The following DNAH8 variants were observed in gnomAD, a reference collection of about 807,000 sequenced individuals.
DNAH8 encodes axonemal beta dynein heavy chain 8.
In DNAH8, 382 loss-of-function variants were observed where a neutral mutation model predicts 562.1. That is an observed-to-expected ratio of 0.68 (90% confidence interval 0.63 to 0.74). The LOEUF (loss-of-function observed/expected upper bound fraction) is 0.74, where lower values mean the gene tolerates loss of function less well. DNAH8 is among the 30% of genes least tolerant of loss of function. The pLI, the probability that DNAH8 is intolerant of heterozygous loss-of-function variation, is 0.00. For synonymous variants in DNAH8, 1,881 were observed against 1,919.4 expected (o/e 0.98, Z 0.52); for missense variants, 5,203 against 5,620.4 (o/e 0.93, Z 2.37).
chr6:38,981,717 A>G (rs1313150481), intron 85 of DNAH8, among the ~76,000 whole-genome samples: 1 of 152,238 alleles, frequency 6.6e-6, no homozygotes, highest in Non-Finnish European at 1.5e-5. Context: ...CAGTTCATTC[A>G]ACAGGTATTT....
chr6:38,861,577 A>G (rs1776621783), intron 43 of DNAH8, among the ~76,000 whole-genome samples: 1 of 152,088 alleles, frequency 6.6e-6, no homozygotes, highest in African/African-American at 2.4e-5. Context: ...TTTTGTTTTG[A>G]GACAGAGTCT....
intron 88 of DNAH8, among the ~76,000 whole-genome samples, chr6:38,994,170 T>C (rs1051963772): frequency 2.6e-5 from 4 of 152,232 alleles, no homozygotes; most frequent in African/African-American, 7.2e-5. Flanking sequence ...TGAGAAAATT[T>C]TCATATACTT....
intron 82 of DNAH8, among the ~76,000 whole-genome samples, chr6:38,953,745 G>T (rs921788431): frequency 5.3e-5 from 8 of 152,212 alleles, no homozygotes; most frequent in Admixed American, 2.6e-4. Flanking sequence ...ACATGTTAAT[G>T]TAGTCTCAGC....
chr6:38,763,213 G>T, intron 11 of DNAH8: 1 of 264,418 alleles, frequency 3.8e-6, no homozygotes. Context: ...CCTTCTAAAA[G>T]TGAAGCAAGG....
At chr6:38,829,934 T>C (rs1391925469) in intron 30 of DNAH8, among the ~76,000 whole-genome samples, 1 of 152,224 alleles carries the variant, frequency 6.6e-6, no homozygotes, top group African/African-American at 2.4e-5. Context: ...CTAGGTTGCC[T>C]GTTCACTCTG....
At chr6:38,796,816 T>C (rs953288280) in intron 21 of DNAH8, among the ~76,000 whole-genome samples, 7 of 151,986 alleles carry the variant, frequency 4.6e-5, no homozygotes, top group Admixed American at 1.3e-4. Flanking sequence ...AGCCCGCCGA[T>C]GCTCCCAGTT....
At chr6:38,890,826 G>A (rs1032637409) in intron 58 of DNAH8, 65 bp downstream of exon 58, 36 of 1,115,020 alleles carry the variant, frequency 3.2e-5, no homozygotes, top group African/African-American at 1.5e-4. Context: ...ATCACACCTC[G>A]TGGCTCATTA....
intron 12 of DNAH8, among the ~76,000 whole-genome samples, chr6:38,773,873 A>G (rs1339001478): frequency 6.6e-6 from 1 of 152,180 alleles, no homozygotes; most frequent in Non-Finnish European, 1.5e-5. Context: ...AGAGCCTATT[A>G]GGGAAGGCCG....
chr6:38,850,515 T>C (rs1775657396), intron 38 of DNAH8, 101 bp downstream of exon 38: 1 of 1,080,732 alleles, frequency 9.3e-7, no homozygotes, highest in South Asian at 1.7e-5. Flanking sequence ...TAGTGATGGT[T>C]AAAGTGGGGC....
chr6:38,805,880 T>C (rs777531522), intron 23 of DNAH8, among the ~76,000 whole-genome samples: 8 of 152,206 alleles, frequency 5.3e-5, no homozygotes, highest in Non-Finnish European at 1.0e-4. Context: ...ACGTCAGGGA[T>C]TGGAGCAGCT....
chr6:38,976,252 TC>T (rs1327800747), intron 85 of DNAH8, among the ~76,000 whole-genome samples: 2 of 152,242 alleles, frequency 1.3e-5, no homozygotes, highest in African/African-American at 4.8e-5. Context: ...GGCTTCTGTT[TC>T]CCCATCTGTG....
chr6:38,801,469 G>T (rs1770773208), intron 21 of DNAH8, among the ~76,000 whole-genome samples: 1 of 152,196 alleles, frequency 6.6e-6, no homozygotes, highest in Non-Finnish European at 1.5e-5. Flanking sequence ...TGTTCATTCT[G>T]CCAAGTTAAT....
chr6:39,012,498 C>G lies in DNAH8; in HGVS notation c.13575C>G (p.Leu4525=). The part of the protein sequence containing the change: ...DNMYDARIPQ[L]WKRVSWDSST... The stretch of plus-strand genomic sequence containing the variant: ...TGTATGATGCTCGTATACCTCAGCT[C>G]TGGAAAAGAGTGTCTTGGGATTCGT... The change falls in exon 91 of 93, where the codon CTC becomes CTG. Residue 4525 remains leucine (L), a synonymous_variant. Transcript: ENST00000327475. 2 of 1,614,080 alleles carry G rather than the reference C, an allele frequency of 1.2e-6. No individual in the cohort carries two copies. The highest frequency in any genetic ancestry group is 1.7e-6 in the Non-Finnish European group (2 of 1,179,968).
At chr6:39,001,919 G>A (rs1410181834) in intron 88 of DNAH8, among the ~76,000 whole-genome samples, 1 of 152,002 alleles carries the variant, frequency 6.6e-6, no homozygotes, top group Non-Finnish European at 1.5e-5. Flanking sequence ...GGGAGGGGAT[G>A]CTGGAAATGA....
intron 76 of DNAH8, among the ~76,000 whole-genome samples, chr6:38,933,970 C>T (rs962503089): frequency 6.6e-6 from 1 of 152,094 alleles, no homozygotes; most frequent in African/African-American, 2.4e-5. Context: ...GTCAATAATA[C>T]AAAAATGAAT....
chr6:39,020,053 A>G (rs1329512842), intron 91 of DNAH8, among the ~76,000 whole-genome samples: 5 of 152,210 alleles, frequency 3.3e-5, no homozygotes, highest in South Asian at 2.1e-4. Context: ...GGTTGGTTAA[A>G]GGGAAAGGAA....
chr6:38,845,491 CA>C lies in DNAH8; in HGVS notation c.4846-73del, dbSNP rs932529291. ...GGGTGACTTACAGGTCCCTTTCAAG[CA>C]AAAAAAAAATTCTATGATTTGATGA... is the stretch of plus-strand genomic sequence containing the variant. On this transcript the variant is annotated intron_variant, in intron 35 of 92. Coordinates refer to ENST00000327475, the MANE Select transcript of DNAH8 (RefSeq NM_001206927.2). 6,611 of 998,868 alleles carry C rather than the reference CA, an allele frequency of 6.6e-3. 1 individual carries two copies. The highest frequency in any genetic ancestry group is 7.5e-3 in the Non-Finnish European group (5,147 of 689,256). The allele number at this position is 998,868 out of a possible 1,614,324, so 61.9% of individuals were successfully genotyped here.
intron 31 of DNAH8, among the ~76,000 whole-genome samples, chr6:38,832,765 G>C (rs995175558): frequency 6.6e-6 from 1 of 152,180 alleles, no homozygotes; most frequent in Non-Finnish European, 1.5e-5. Flanking sequence ...TGCATTCAAA[G>C]CTGTCCTGGG....
chr6:38,995,715 C>T (rs1472333491), intron 88 of DNAH8, among the ~76,000 whole-genome samples: 2 of 152,176 alleles, frequency 1.3e-5, no homozygotes, highest in East Asian at 1.9e-4. Context: ...ATCACTTCTT[C>T]CTTACCCTAT....
Sources: allele counts gnomAD v4.1 joint callset (sites outside exome capture counted in the v4.1 genomes callset), GRCh38; gene constraint gnomAD v4.1.1; transcripts MANE v1.5; gene names NCBI Gene and HGNC (gene_info 2026-07-23, HGNC 2026-07-21).